Variants in TRAK1 observed in about 807,000 individuals in gnomAD.
TRAK1 encodes the protein trafficking kinesin-binding protein 1.
A neutral mutation model predicts 92.1 loss-of-function variants in TRAK1; 33 were observed. That is an observed-to-expected ratio of 0.36 (90% confidence interval 0.27 to 0.48). The LOEUF is 0.48. TRAK1 is among the 20% of genes least tolerant of loss of function. The pLI is 0.99. For synonymous variants in TRAK1, 521 were observed against 517.3 expected, an observed-to-expected ratio of 1.01 and a Z score of -0.10; for missense variants, 1,123 against 1,257.9, an observed-to-expected ratio of 0.89 and a Z score of 1.62.
intron 10 of TRAK1, among the ~76,000 whole-genome samples, chr3:42,196,697 C>A (rs1345833147): frequency 2.7e-5 from 3 of 110,814 alleles, no homozygotes; most frequent in African/African-American, 6.7e-5. Context: ...GCCACCACGC[C>A]CGGCTAATTT....
intron 2 of TRAK1, among the ~76,000 whole-genome samples, chr3:42,171,781 T>G (rs1702589451): frequency 6.6e-6 from 1 of 152,142 alleles, no homozygotes; most frequent in South Asian, 2.1e-4. Context: ...GGCAGGGGCA[T>G]GTTTCTGTTC....
In TRAK1 at chr3:42,164,500, C is replaced by G. The variant is rs764684454; in HGVS notation, c.287-12314C>G. 2.0e-5 allele frequency among the ~76,000 whole-genome samples: 3 copies of G among 152,198 alleles called. 1 individual carries two copies. The highest frequency in any genetic ancestry group is 4.4e-5 in the Non-Finnish European group (3 of 68,040). On this transcript the variant is annotated intron_variant, in intron 2 of 15. Transcript: ENST00000327628. ...TGCACTTGTGTAGAGTCCCTCAGCT[C>G]GAAGCACAGAGCTGGGTCTTTGCCC... is the stretch of plus-strand genomic sequence containing the variant.
At chr3:42,131,648 G>A (rs1381113738) in intron 2 of TRAK1, among the ~76,000 whole-genome samples, 1 of 152,034 alleles carries the variant, frequency 6.6e-6, no homozygotes, top group Non-Finnish European at 1.5e-5. Context: ...AACCCGGGAG[G>A]CAGAGGTTGC....
At chr3:42,041,337 T>G (rs1285745453) in intron 1 of TRAK1, among the ~76,000 whole-genome samples, 1 of 152,170 alleles carries the variant, frequency 6.6e-6, no homozygotes, top group African/African-American at 2.4e-5. Flanking sequence ...CTTCTTTTGT[T>G]GAATTTATAC....
At chr3:42,171,253 A>G (rs1421014271) in intron 2 of TRAK1, among the ~76,000 whole-genome samples, 1 of 152,140 alleles carries the variant, frequency 6.6e-6, no homozygotes, top group African/African-American at 2.4e-5. Context: ...TGCCAGAGAT[A>G]TGTAGAGCTG....
chr3:42,128,630 G>A (rs1340035402), intron 2 of TRAK1, among the ~76,000 whole-genome samples: 1 of 152,218 alleles, frequency 6.6e-6, no homozygotes, highest in Non-Finnish European at 1.5e-5. Context: ...TAACTGAAAT[G>A]CAGCATTTCC....
At chr3:42,158,979 T>G (rs1700907422) in intron 2 of TRAK1, among the ~76,000 whole-genome samples, 1 of 145,908 alleles carries the variant, frequency 6.9e-6, no homozygotes, top group Non-Finnish European at 1.5e-5. Context: ...ATAATAATAA[T>G]AATAATAATA....
rs1702846381 is a variant in TRAK1 at position 42,048,461 on chromosome 3, C to G, written c.-519+34344C>G. Among the ~76,000 whole-genome samples, 4 of 152,260 alleles carry G rather than the reference C, an allele frequency of 2.6e-5. No homozygotes were observed. In the South Asian group the frequency reaches 8.3e-4, roughly 32 times the overall value. On this transcript the variant is annotated intron_variant, in intron 1 of 16. Coordinates refer to the TRAK1 transcript ENST00000487159. ...ACCACTGTGGATTCTATTCTGTGTT[C>G]CACCTGCTCTACTCTTAGTCTTGTT...
At chr3:42,222,812 G>T (rs34324868) in intron 15 of TRAK1, 130 bp from the exon 16 acceptor site, 14,160 of 888,290 alleles carry the variant, frequency 0.016, 515 homozygotes, top group East Asian at 0.093. Context: ...GCCTTTGGGG[G>T]CCTCAGCTGG....
intron 1 of TRAK1, among the ~76,000 whole-genome samples, chr3:42,055,541 C>T (rs1703168855): frequency 6.6e-6 from 1 of 152,228 alleles, no homozygotes; most frequent in Non-Finnish European, 1.5e-5. Flanking sequence ...TGGCTTACTG[C>T]AGCCTCGACC....
chr3:42,039,238 C>G (rs1453452279), intron 1 of TRAK1, among the ~76,000 whole-genome samples: 1 of 152,070 alleles, frequency 6.6e-6, no homozygotes, highest in African/African-American at 2.4e-5. Flanking sequence ...TAAGTGTTGC[C>G]CATGTTGTAG....
chr3:42,019,254 A>G (rs926626279), intron 1 of TRAK1, among the ~76,000 whole-genome samples: 1 of 152,204 alleles, frequency 6.6e-6, no homozygotes, highest in Non-Finnish European at 1.5e-5. Flanking sequence ...GTTGTCCATC[A>G]GTTCCTCTGG....
upstream of TRAK1, among the ~76,000 whole-genome samples, chr3:42,089,100 C>T (rs1704843851): frequency 6.6e-6 from 1 of 152,206 alleles, no homozygotes. Context: ...TTTCCACCTG[C>T]ACCTGCTTTT....
rs566434591 is a variant in TRAK1 at position 42,217,460 on chromosome 3, A to G, written c.1964-2034A>G. The G allele has an allele frequency of 1.1e-5, 11 of 985,372 alleles. No homozygotes were observed. The South Asian group carries it at 1.4e-4, about 13-fold the overall frequency. The allele number at this position is 985,372 out of a possible 1,614,324, so 61.0% of individuals were successfully genotyped here. Reference sequence around the variant, plus strand: ...TTTCCTATCCCCAAAACCCATTTGTATAAGATGGGTTTGCTTCTGCTGATG... The same window carrying G: ...TTTCCTATCCCCAAAACCCATTTGTGTAAGATGGGTTTGCTTCTGCTGATG... On this transcript the variant is annotated intron_variant, in intron 14 of 15. Transcript: ENST00000327628.
chr3:42,075,999 C>T (rs970297082), intron 1 of TRAK1, among the ~76,000 whole-genome samples: 43 of 151,772 alleles, frequency 2.8e-4, no homozygotes, highest in African/African-American at 1.0e-3. Context: ...CCCCTCACCA[C>T]ACCCAGCTAA....
At chr3:42,047,895 A>T (rs951015245) in intron 1 of TRAK1, among the ~76,000 whole-genome samples, 5 of 145,028 alleles carry the variant, frequency 3.4e-5, no homozygotes, top group African/African-American at 4.9e-5. Flanking sequence ...ATAGCTTTTT[A>T]AAACACTCCC....
At chr3:42,194,006 AATTTC>A (rs1706210614) in intron 9 of TRAK1, 108 bp downstream of exon 9, 1 of 1,029,072 alleles carries the variant, frequency 9.7e-7, no homozygotes, top group Non-Finnish European at 1.4e-6. Flanking sequence ...TTTTATTTTG[AATTTC>A]ATTTCATTTT....
intron 2 of TRAK1, among the ~76,000 whole-genome samples, chr3:42,138,703 A>G (rs1038630800): frequency 6.7e-6 from 1 of 148,574 alleles, no homozygotes; most frequent in Non-Finnish European, 1.5e-5. Flanking sequence ...CCTGGGGAAC[A>G]TGGTGAGGCT....
chr3:42,130,114 A>G (rs1284339780), intron 2 of TRAK1, among the ~76,000 whole-genome samples: 1 of 152,062 alleles, frequency 6.6e-6, no homozygotes, highest in Non-Finnish European at 1.5e-5. Context: ...TTTCACCTCC[A>G]TCCTGTGGCT....
Sources: gnomAD v4.1 joint callset for allele counts (sites outside exome capture counted in the v4.1 genomes callset) on GRCh38, gnomAD v4.1.1 for gene constraint, MANE v1.5 for transcripts, NCBI Gene and HGNC (gene_info 2026-07-23, HGNC 2026-07-21) for gene names.